The following CNTN2 variants were observed in gnomAD, a reference collection of about 807,000 sequenced individuals.
CNTN2 encodes contactin 2, also known as contactin-2.
Under a neutral mutation model 117.5 loss-of-function variants are expected in CNTN2, and 53 were observed. The observed-to-expected ratio is 0.45, with a 90% CI of 0.36 to 0.57. The LOEUF is 0.57. Ranked by LOEUF, CNTN2 falls within the 20% of genes least tolerant of loss-of-function variation. The pLI is 0.00. For missense variants in CNTN2, 1,106 were observed against 1,404.3 expected (o/e 0.79, Z 3.39); for synonymous variants, 530 against 561.7 (o/e 0.94, Z 0.80).
chr1:205,072,246 T>C, intron 20 of CNTN2, 113 bp downstream of exon 20: 9 of 1,161,712 alleles, frequency 7.7e-6, no homozygotes, highest in Non-Finnish European at 1.1e-5. Context: ...AGCTCTGGGC[T>C]GAACAGAAAT....
At chr1:205,072,349 T>G in intron 20 of CNTN2, 134 bp from the exon 21 acceptor site, 1 of 759,274 alleles carries the variant, frequency 1.3e-6, no homozygotes, top group Non-Finnish European at 2.0e-6. Context: ...ATGGGCTTTG[T>G]TTCGTGGGCA....
At chr1:205,066,274 C>T (rs1312665509) in intron 14 of CNTN2, 167 bp from the exon 15 acceptor site, 26 of 754,702 alleles carry the variant, frequency 3.4e-5, no homozygotes, top group Non-Finnish European at 5.4e-5. Context: ...TGGCACCCGC[C>T]CCAACTGCCC....
intron 1 of CNTN2, among the ~76,000 whole-genome samples, chr1:205,049,753 C>T (rs574228835): frequency 3.3e-5 from 5 of 152,318 alleles, no homozygotes; most frequent in African/African-American, 4.8e-5. Context: ...GGCATCAGGA[C>T]GCAGCACACC....
intron 9 of CNTN2, 168 bp from the exon 10 acceptor site, chr1:205,062,272 A>G: frequency 4.0e-6 from 4 of 991,022 alleles, no homozygotes; most frequent in Non-Finnish European, 2.9e-6. Flanking sequence ...AGGCCTGGGT[A>G]ATCTGCATCC....
chr1:205,051,734 G>T (rs1304978528), intron 1 of CNTN2, among the ~76,000 whole-genome samples: 1 of 152,102 alleles, frequency 6.6e-6, no homozygotes, highest in Admixed American at 6.5e-5. Flanking sequence ...TGCCAACTGT[G>T]GCTGTGAAAG....
Position 205,059,661 on chromosome 1 carries a change from T to C in CNTN2, c.776T>C (p.Leu259Pro). The change falls in exon 7 of 23, where the codon CTG (leucine) becomes CCG (proline). Residue 259 changes from leucine (L) to proline (P), a missense_variant. Coordinates refer to ENST00000331830, the MANE Select transcript of CNTN2 (RefSeq NM_005076.5). The surrounding 1 kb of genome is among the most constrained non-coding windows in gnomAD (Gnocchi z 5.6). ...TYALVGQQVT[L>P]ECFAFGNPVP... Reference sequence around the variant, plus strand: ...GCACTGGTGGGGCAGCAGGTCACCCTGGAGTGCTTCGCCTTTGGGAAGTGA... The same window carrying C: ...GCACTGGTGGGGCAGCAGGTCACCCCGGAGTGCTTCGCCTTTGGGAAGTGA... 2 of 1,613,858 alleles carry C rather than the reference T, an allele frequency of 1.2e-6. No homozygotes were observed. Among genetic ancestry groups the C allele is most frequent in the Non-Finnish European group, 1.7e-6 (2 of 1,179,956 alleles).
Position 205,058,891 on chromosome 1 carries a change from C to T in CNTN2, c.488-193C>T. The stretch of plus-strand genomic sequence containing the variant: ...GGGTGGCCCCTGAGGGCTGCGATCC[C>T]TGGCAGACTTAGCGCTCCCTGAGGG... On this transcript the variant is annotated intron_variant, in intron 5 of 22. Coordinates refer to ENST00000331830, the MANE Select transcript of CNTN2 (RefSeq NM_005076.5). The surrounding 1 kb of genome is among the most constrained non-coding windows in gnomAD (Gnocchi z 4.3). 1 of 681,920 alleles carries T rather than the reference C, an allele frequency of 1.5e-6. No homozygotes were observed. The highest frequency in any genetic ancestry group is 2.7e-5 in the East Asian group (1 of 36,840). 42.2% of individuals were successfully genotyped at this position (681,920 alleles called of 1,614,324 possible). A position where few individuals can be genotyped will look rare whatever the true frequency, so the allele number is the denominator to read the frequency against.
chr1:205,049,534 A>G (rs1315070162), intron 1 of CNTN2, among the ~76,000 whole-genome samples: 1 of 152,154 alleles, frequency 6.6e-6, no homozygotes, highest in East Asian at 1.9e-4. Context: ...TGTGGGAGCT[A>G]GGGACTCCGG....
intron 1 of CNTN2, among the ~76,000 whole-genome samples, chr1:205,046,327 C>T (rs2096441528): frequency 6.6e-6 from 1 of 152,194 alleles, no homozygotes; most frequent in African/African-American, 2.4e-5. Flanking sequence ...CCTAATGAGA[C>T]ATTCAGTTCA....
intron 16 of CNTN2, 111 bp from the exon 17 acceptor site, chr1:205,069,373 ACCCAGGG>A: frequency 4.2e-6 from 4 of 944,090 alleles, no homozygotes; most frequent in Non-Finnish European, 6.3e-6. Flanking sequence ...TGGGGGGCAA[ACCCAGGG>A]CCCAGTTGAA....
At chr1:205,064,532 A>G in intron 11 of CNTN2, 60 bp downstream of exon 11, 1 of 1,594,836 alleles carries the variant, frequency 6.3e-7, no homozygotes, top group Non-Finnish European at 8.6e-7. Flanking sequence ...ATGGAGGCCA[A>G]TTCCCCTCCT....
intron 19 of CNTN2, 39 bp from the exon 20 acceptor site, chr1:205,071,908 G>T (rs1472364595): frequency 3.8e-6 from 6 of 1,571,612 alleles, no homozygotes; most frequent in Non-Finnish European, 5.2e-6. Flanking sequence ...GAGATCCTGG[G>T]CTTGACTACT....
Position 205,048,900 on chromosome 1 carries a change from C to T in CNTN2, c.-86-4200C>T, listed in dbSNP as rs1426353470. Among the ~76,000 whole-genome samples, 4 of 145,368 alleles carry T rather than the reference C, an allele frequency of 2.8e-5. No homozygotes were observed. The highest frequency in any genetic ancestry group is 4.5e-5 in the Non-Finnish European group (3 of 66,822). ...GAGGCAAGGAGCTCCAGCCTTTAGC[C>T]CAGACTCTGCGTGTGTGTGTGTGTG... On this transcript the variant is annotated intron_variant, in intron 1 of 22. Coordinates refer to ENST00000331830, the MANE Select transcript of CNTN2 (RefSeq NM_005076.5). The surrounding 1 kb of genome is among the most constrained non-coding windows in gnomAD (Gnocchi z 4.1).
Position 205,061,337 on chromosome 1 carries a change from G to A in CNTN2, c.890G>A (p.Ser297Asn). Residue 297 changes from serine (S) to asparagine (N), a missense_variant, in exon 8 of 23, where the codon AGC becomes AAC. By Grantham distance (46) the Ser-to-Asn change is conservative. Transcript: ENST00000331830. This position sits in a 1 kb window ranked among gnomAD's most constrained non-coding sequence, Gnocchi z 4.8. ...AEPTLQIPSV[S>N]FEDEGTYECE... ...CCCACCCTGCAGATCCCCAGCGTCA[G>A]CTTTGAGGATGAGGGCACCTACGAG... is the stretch of plus-strand genomic sequence containing the variant. 6.2e-7 allele frequency: 1 copy of A among 1,614,098 alleles called. No homozygotes were observed. The highest frequency in any genetic ancestry group is 8.5e-7 in the Non-Finnish European group (1 of 1,179,988).
At position 205,061,780 on chromosome 1, in the gene CNTN2, G is replaced by T; in HGVS notation, c.974-85G>T. The stretch of plus-strand genomic sequence containing the variant: ...GCGCCCTCTGCTGTCTGGCACAGGT[G>T]CTGCTGCCCTGATTTTCTGTTCCTT... On this transcript the variant is annotated intron_variant, in intron 8 of 22. Coordinates refer to ENST00000331830, the MANE Select transcript of CNTN2 (RefSeq NM_005076.5). This position sits in a 1 kb window ranked among gnomAD's most constrained non-coding sequence, Gnocchi z 4.8. 1 of 1,459,198 alleles carries T rather than the reference G, an allele frequency of 6.9e-7. No homozygotes were observed. Among genetic ancestry groups the T allele is most frequent in the South Asian group, 1.4e-5 (1 of 69,358 alleles). 90.4% of individuals were successfully genotyped at this position (1,459,198 alleles called of 1,614,324 possible). A position where few individuals can be genotyped will look rare whatever the true frequency, so the allele number is the denominator to read the frequency against.
Position 205,058,498 on chromosome 1 carries a change from T to TG in CNTN2, c.392-69dup. On this transcript the variant is annotated intron_variant, in intron 4 of 22. Coordinates refer to ENST00000331830, the MANE Select transcript of CNTN2 (RefSeq NM_005076.5). This position sits in a 1 kb window ranked among gnomAD's most constrained non-coding sequence, Gnocchi z 4.3. ...GCCTTAGTGAACTGCTGCTTCTCCG[T>TG]GAAGGATGAGTCGGGGAGGGGCTCG... The TG allele has an allele frequency of 6.4e-7, 1 of 1,574,730 alleles. No individual in the cohort carries two copies. Among genetic ancestry groups the TG allele is most frequent in the Non-Finnish European group, 8.7e-7 (1 of 1,147,878 alleles).
At position 205,073,027 on chromosome 1, in the gene CNTN2, C is replaced by A. The variant is rs777926472; in HGVS notation, c.2845-41C>A. The A allele has an allele frequency of 2.5e-6, 4 of 1,609,582 alleles. No homozygotes were observed. The South Asian group carries it at 4.4e-5, about 18-fold the overall frequency. On this transcript the variant is annotated intron_variant, in intron 21 of 22. Transcript: ENST00000331830. This position sits in a 1 kb window ranked among gnomAD's most constrained non-coding sequence, Gnocchi z 6.3. Reference sequence around the variant, plus strand: ...GCTGGGGATGACTCAACGATCAGCCCTGGTGTCAGGAAACTCCACCTGGAA... The same window carrying A: ...GCTGGGGATGACTCAACGATCAGCCATGGTGTCAGGAAACTCCACCTGGAA...
At chr1:205,054,085 C>T (rs1488458775) in intron 2 of CNTN2, among the ~76,000 whole-genome samples, 1 of 152,226 alleles carries the variant, frequency 6.6e-6, no homozygotes, top group African/African-American at 2.4e-5. Context: ...CCGCCTCCTG[C>T]TCTAAGGGGT....
chr1:205,067,408 AC>A, intron 16 of CNTN2, 158 bp downstream of exon 16: 1 of 809,960 alleles, frequency 1.2e-6, no homozygotes, highest in Non-Finnish European at 1.8e-6. Context: ...CCAAGTTGGG[AC>A]CAGGGCCACT....
Sources: gnomAD v4.1 joint callset for allele counts (sites outside exome capture counted in the v4.1 genomes callset) on GRCh38, gnomAD v4.1.1 for gene constraint, Gnocchi (gnomAD v3.1) non-coding constraint, MANE v1.5 for transcripts, NCBI Gene and HGNC (gene_info 2026-07-23, HGNC 2026-07-21) for gene names.